NFIA: variants seen among roughly 807,000 people sequenced by gnomAD.
The protein encoded by NFIA is nuclear factor I A.
Under a neutral mutation model 62.8 loss-of-function variants are expected in NFIA, and 8 were observed. The observed-to-expected ratio is 0.13, with a 90% CI of 0.07 to 0.23. The LOEUF is 0.23. NFIA is among the 10% of genes least tolerant of loss of function. NFIA has a pLI of 1.00. For synonymous variants in NFIA, 235 were observed against 238.1 expected (o/e 0.99, Z 0.12); for missense variants, 410 against 642.1 (o/e 0.64, Z 3.91).
chr1:61,157,269 T>C (rs1648883243), intron 2 of NFIA, among the ~76,000 whole-genome samples: 1 of 152,250 alleles, frequency 6.6e-6, no homozygotes, highest in Non-Finnish European at 1.5e-5. Flanking sequence ...TCTGGACTAC[T>C]TGGTAACATT....
At chr1:61,275,786 A>G (rs1657771735) in intron 2 of NFIA, among the ~76,000 whole-genome samples, 1 of 152,184 alleles carries the variant, frequency 6.6e-6, no homozygotes, top group African/African-American at 2.4e-5. Context: ...TACTCAAAAT[A>G]TTTAATGTGT....
chr1:61,399,017 C>T (rs1171959217), intron 7 of NFIA, among the ~76,000 whole-genome samples: 1 of 151,958 alleles, frequency 6.6e-6, no homozygotes, highest in African/African-American at 2.4e-5. Context: ...TTTTCTTTTC[C>T]TTTTGAAGCT....
chr1:61,209,251 G>C (rs1367694844), intron 2 of NFIA, among the ~76,000 whole-genome samples: 1 of 151,984 alleles, frequency 6.6e-6, no homozygotes, highest in Non-Finnish European at 1.5e-5. Context: ...TTTTGCCTTA[G>C]AGAAATGCAA....
chr1:61,282,337 T>C (rs1030698246), intron 3 of NFIA, among the ~76,000 whole-genome samples: 2 of 152,210 alleles, frequency 1.3e-5, no homozygotes, highest in South Asian at 4.1e-4. Context: ...ATCTGGCTTT[T>C]CCAGAGCTCC....
intron 9 of NFIA, among the ~76,000 whole-genome samples, chr1:61,416,224 C>A (rs926285872): frequency 2.0e-5 from 3 of 152,090 alleles, no homozygotes; most frequent in African/African-American, 7.2e-5. Context: ...AGTTTTCAGT[C>A]CTCCTTTTAT....
At chr1:61,426,644 A>AAG in intron 10 of NFIA, 88 bp downstream of exon 10, 1 of 959,028 alleles carries the variant, frequency 1.0e-6, no homozygotes, top group Non-Finnish European at 1.6e-6. Flanking sequence ...AAAAGGCCAC[A>AAG]TTTTCCAGAC....
At chr1:61,232,540 G>A (rs1193332826) in intron 2 of NFIA, among the ~76,000 whole-genome samples, 1 of 152,092 alleles carries the variant, frequency 6.6e-6, no homozygotes, top group Non-Finnish European at 1.5e-5. Flanking sequence ...TTCTGCCTAT[G>A]CTACAAATTT....
intron 2 of NFIA, among the ~76,000 whole-genome samples, chr1:61,240,365 AAC>A (rs1655271553): frequency 6.6e-6 from 1 of 152,066 alleles, no homozygotes; most frequent in Non-Finnish European, 1.5e-5. Flanking sequence ...TAACAAAAAT[AAC>A]AGTCATTATT....
chr1:61,390,988 C>G (rs17265684), intron 7 of NFIA, among the ~76,000 whole-genome samples: 289 of 152,294 alleles, frequency 1.9e-3, no homozygotes, highest in Admixed American at 3.4e-3. Context: ...TTCAGCAGCA[C>G]GTAGAAAGAG....
intron 7 of NFIA, among the ~76,000 whole-genome samples, chr1:61,394,804 A>G (rs1277323895): frequency 3.3e-5 from 5 of 152,198 alleles, no homozygotes; most frequent in African/African-American, 4.8e-5. Context: ...CAAGTTCAGG[A>G]GGATGCCTTG....
At chr1:61,247,817 G>T (rs1245663030) in intron 2 of NFIA, among the ~76,000 whole-genome samples, 1 of 152,112 alleles carries the variant, frequency 6.6e-6, no homozygotes, top group Admixed American at 6.5e-5. Flanking sequence ...TCATCTCAGG[G>T]CCAGAAATGG....
chr1:61,298,830 CTG>C (rs1659336464), intron 3 of NFIA, among the ~76,000 whole-genome samples: 1 of 152,152 alleles, frequency 6.6e-6, no homozygotes, highest in Non-Finnish European at 1.5e-5. Context: ...CTTCATTGAA[CTG>C]GACTTTATTT....
chr1:61,180,681 A>G (rs1650701400), intron 2 of NFIA, among the ~76,000 whole-genome samples: 1 of 152,152 alleles, frequency 6.6e-6, no homozygotes, highest in African/African-American at 2.4e-5. Flanking sequence ...ATAAACACCC[A>G]AGTAGATGGT....
chr1:61,127,872 C>G (rs938185547), intron 2 of NFIA, among the ~76,000 whole-genome samples: 11 of 152,228 alleles, frequency 7.2e-5, no homozygotes, highest in Admixed American at 7.2e-4. Context: ...TCTGCAGGAA[C>G]CTTTGAAAAC....
chr1:61,424,535 T>C (rs541353871), intron 9 of NFIA, among the ~76,000 whole-genome samples: 2 of 152,274 alleles, frequency 1.3e-5, no homozygotes, highest in African/African-American at 2.4e-5. Context: ...CAATCACTCA[T>C]AGACTTCATA....
At chr1:61,148,539 C>A (rs1405193865) in intron 2 of NFIA, among the ~76,000 whole-genome samples, 1 of 152,164 alleles carries the variant, frequency 6.6e-6, no homozygotes, top group Admixed American at 6.5e-5. Context: ...CTTTGGGTAA[C>A]AACAGAGAGC....
intron 7 of NFIA, among the ~76,000 whole-genome samples, chr1:61,397,496 C>T (rs1003630847): frequency 2.6e-5 from 4 of 152,186 alleles, no homozygotes; most frequent in African/African-American, 9.6e-5. Context: ...TCCTAGCACA[C>T]AGGAGCAAAT....
At chr1:61,259,938 G>A (rs1656653060) in intron 2 of NFIA, among the ~76,000 whole-genome samples, 1 of 152,176 alleles carries the variant, frequency 6.6e-6, no homozygotes, top group Non-Finnish European at 1.5e-5. Flanking sequence ...AATTAAACTT[G>A]CAGTGCCTGT....
At chr1:61,177,188 C>T (rs1650436883) in intron 2 of NFIA, among the ~76,000 whole-genome samples, 1 of 151,960 alleles carries the variant, frequency 6.6e-6, no homozygotes, top group Admixed American at 6.6e-5. Context: ...TTTCAAATGC[C>T]CTACAGGGAA....
Sources: allele counts gnomAD v4.1 joint callset (sites outside exome capture counted in the v4.1 genomes callset), GRCh38; gene constraint gnomAD v4.1.1; transcripts MANE v1.5; gene names NCBI Gene and HGNC (gene_info 2026-07-23, HGNC 2026-07-21).